CSMD1: variants seen among roughly 807,000 people sequenced by gnomAD.
CSMD1 encodes CUB and sushi domain-containing protein 1.
CSMD1 carries 213 observed loss-of-function variants against 417.5 expected under a neutral mutation model. That is an observed-to-expected ratio of 0.51 (90% CI 0.46 to 0.57). The LOEUF (loss-of-function observed/expected upper bound fraction) is 0.57, where lower values mean the gene tolerates loss of function less well. Among genes scored for constraint, CSMD1 ranks in the 20% least tolerant of loss-of-function variants. The pLI, the probability that CSMD1 is intolerant of heterozygous loss-of-function variation, is 0.00. For synonymous variants in CSMD1, 2,862 were observed against 1,736.8 expected, an observed-to-expected ratio of 1.65 and a Z score of -16.11; for missense variants, 6,923 against 4,529.7, an observed-to-expected ratio of 1.53 and a Z score of -15.17.
chr8:4,239,511 T>G (rs1306926305), intron 3 of CSMD1, among the ~76,000 whole-genome samples: 2 of 152,210 alleles, frequency 1.3e-5, no homozygotes, highest in African/African-American at 4.8e-5. Context: ...AGTCTGGTCC[T>G]CAGAGCTGGT....
chr8:3,940,392 G>A (rs975430344), intron 5 of CSMD1, among the ~76,000 whole-genome samples: 24 of 151,756 alleles, frequency 1.6e-4, no homozygotes, highest in African/African-American at 2.9e-4. Context: ...AAATTATATT[G>A]AAAATAATGA....
intron 54 of CSMD1, among the ~76,000 whole-genome samples, chr8:2,979,359 T>C (rs1429308389): frequency 1.3e-5 from 2 of 152,254 alleles, no homozygotes; most frequent in East Asian, 3.9e-4. Context: ...TCTTCTCCTT[T>C]TAGAAACAGG....
chr8:3,702,200 C>G (rs756566744), intron 7 of CSMD1: 1 of 152,084 alleles, frequency 6.6e-6, no homozygotes, highest in Non-Finnish European at 1.5e-5. Context: ...GATTAATTGC[C>G]CCATCCTGCA....
At chr8:3,042,115 C>T (rs1223516623) in intron 50 of CSMD1, among the ~76,000 whole-genome samples, 1 of 152,134 alleles carries the variant, frequency 6.6e-6, no homozygotes, top group Non-Finnish European at 1.5e-5. Flanking sequence ...GCCACCCAGG[C>T]AGGAGGGTGA....
chr8:4,347,996 G>C (rs868732507), intron 3 of CSMD1, among the ~76,000 whole-genome samples: 1 of 152,026 alleles, frequency 6.6e-6, no homozygotes, highest in Non-Finnish European at 1.5e-5. Context: ...GCAAACATGC[G>C]TCACTTATTT....
At chr8:3,350,454 C>G (rs1408021429) in intron 21 of CSMD1, among the ~76,000 whole-genome samples, 1 of 152,044 alleles carries the variant, frequency 6.6e-6, no homozygotes, top group Non-Finnish European at 1.5e-5. Context: ...ACAGCTAGTA[C>G]AGATTAATTA....
intron 27 of CSMD1, among the ~76,000 whole-genome samples, chr8:3,228,155 G>A (rs1414841438): frequency 1.3e-5 from 2 of 152,152 alleles, no homozygotes; most frequent in African/African-American, 4.8e-5. Context: ...CAGGTAAAAA[G>A]ATGACAACTT....
chr8:3,929,831 T>C (rs947335887), intron 5 of CSMD1, among the ~76,000 whole-genome samples: 8 of 149,522 alleles, frequency 5.4e-5, no homozygotes, highest in Admixed American at 4.7e-4. Context: ...CTGGCTAATT[T>C]TTGTGTTTTT....
At chr8:3,953,171 T>A (rs534113801) in intron 5 of CSMD1, among the ~76,000 whole-genome samples, 2 of 152,008 alleles carry the variant, frequency 1.3e-5, no homozygotes. Flanking sequence ...CAAACTGGAT[T>A]AGAGATTTTA....
rs147134537 is a variant in CSMD1, at chr8:4,278,086, A to G, written c.415+141867T>C. Among the ~76,000 whole-genome samples the G allele has an allele frequency of 1.8e-3, 274 of 152,302 alleles. 2 individuals are homozygous for G. The highest frequency in any genetic ancestry group is 6.3e-3 in the African/African-American group (261 of 41,570). On this transcript the variant is annotated intron_variant, in intron 3 of 69. Coordinates refer to ENST00000635120, the MANE Select transcript of CSMD1 (RefSeq NM_033225.6). ...TTAAATACAATAATTAAAATGCTAC[A>G]TTTATAAAATCCTTTATGGTTCTCT...
intron 25 of CSMD1, among the ~76,000 whole-genome samples, chr8:3,295,239 C>T (rs112321890): frequency 1.3e-5 from 2 of 151,976 alleles, no homozygotes; most frequent in Non-Finnish European, 2.9e-5. Flanking sequence ...ATTCTCCTGC[C>T]TCAGCCTCCC....
At chr8:4,751,085 G>C (rs1053854694) in intron 1 of CSMD1, among the ~76,000 whole-genome samples, 2 of 152,030 alleles carry the variant, frequency 1.3e-5, no homozygotes, top group Admixed American at 6.5e-5. Context: ...CATGTGCATC[G>C]TTAAAGAGAG....
intron 13 of CSMD1, 58 bp downstream of exon 13, chr8:3,409,365 T>C: frequency 7.1e-7 from 1 of 1,416,030 alleles, no homozygotes; most frequent in Non-Finnish European, 9.4e-7. Flanking sequence ...TCTCCTTTTC[T>C]CCCCTTGCAA....
intron 3 of CSMD1, among the ~76,000 whole-genome samples, chr8:4,256,452 T>C (rs992788640): frequency 3.3e-5 from 5 of 152,166 alleles, no homozygotes; most frequent in East Asian, 1.9e-4. Flanking sequence ...AGAGGTGATA[T>C]AGAGACATGA....
intron 1 of CSMD1, among the ~76,000 whole-genome samples, chr8:4,947,482 T>G (rs561726938): frequency 3.3e-5 from 5 of 152,094 alleles, no homozygotes; most frequent in Admixed American, 6.5e-5. Flanking sequence ...TCATCAACAA[T>G]GAGAAAATGA....
intron 3 of CSMD1, among the ~76,000 whole-genome samples, chr8:4,095,956 A>C (rs1469612986): frequency 6.6e-6 from 1 of 152,208 alleles, no homozygotes; most frequent in Non-Finnish European, 1.5e-5. Context: ...TTCATGCCTA[A>C]AAGAAGGACA....
At chr8:3,592,972 G>T (rs767009868) in intron 8 of CSMD1, among the ~76,000 whole-genome samples, 1 of 152,172 alleles carries the variant, frequency 6.6e-6, no homozygotes, top group Non-Finnish European at 1.5e-5. Context: ...GGCCCTCCCC[G>T]CAGGCACCCC....
At chr8:3,478,729 G>C (rs1263996509) in intron 11 of CSMD1, among the ~76,000 whole-genome samples, 1 of 152,120 alleles carries the variant, frequency 6.6e-6, no homozygotes, top group East Asian at 1.9e-4. Flanking sequence ...AAATAAAATG[G>C]ATGTAAGAGC....
At chr8:3,831,235 C>T (rs1032366295) in intron 5 of CSMD1, among the ~76,000 whole-genome samples, 37 of 152,146 alleles carry the variant, frequency 2.4e-4, no homozygotes, top group African/African-American at 8.2e-4. Context: ...ATAAAAAAAA[C>T]AAAGTTTTGA....
Sources: allele counts gnomAD v4.1 joint callset (sites outside exome capture counted in the v4.1 genomes callset), GRCh38; gene constraint gnomAD v4.1.1; transcripts MANE v1.5; gene names NCBI Gene and HGNC (gene_info 2026-07-23, HGNC 2026-07-21).